Variants in CEP85L observed in about 807,000 individuals in gnomAD.
The protein encoded by CEP85L is centrosomal protein of 85 kDa-like.
CEP85L carries 60 observed loss-of-function variants against 100.3 expected under a neutral mutation model. That is an observed-to-expected ratio of 0.60 (90% CI 0.49 to 0.74). The LOEUF (loss-of-function observed/expected upper bound fraction) is 0.74. Ranked by LOEUF, CEP85L falls within the 30% of genes least tolerant of loss-of-function variation. The probability of loss-of-function intolerance (pLI) is 0.00; values close to 1 mark genes in which losing one functional copy is unlikely to be tolerated. For missense variants in CEP85L, 973 were observed against 936.2 expected (o/e 1.04, Z -0.51); for synonymous variants, 319 against 322.7 (o/e 0.99, Z 0.12).
intron 5 of CEP85L, chr6:118,501,908 T>A: frequency 8.7e-7 from 1 of 1,153,452 alleles, no homozygotes; most frequent in Middle Eastern, 2.9e-4. Context: ...AGATATGCTT[T>A]TAAGTTTAAA....
chr6:118,467,687 A>G (rs1037401320), intron 12 of CEP85L, among the ~76,000 whole-genome samples: 1 of 152,172 alleles, frequency 6.6e-6, no homozygotes, highest in East Asian at 1.9e-4. Flanking sequence ...AGGAGACTCT[A>G]AAGTAATTAA....
intron 1 of CEP85L, 26 bp from the exon 2 acceptor site, chr6:118,632,637 AAC>A: frequency 6.3e-7 from 1 of 1,593,368 alleles, no homozygotes; most frequent in South Asian, 1.1e-5. Context: ...TGTAACAGTT[AAC>A]ACATATATCT....
intron 2 of CEP85L, among the ~76,000 whole-genome samples, chr6:118,618,823 T>G (rs1773245101): frequency 6.6e-6 from 1 of 152,162 alleles, no homozygotes; most frequent in African/African-American, 2.4e-5. Flanking sequence ...AGGGCAGTTT[T>G]ATGGCCAGGC....
chr6:118,534,851 C>A (rs1777496711), intron 3 of CEP85L, among the ~76,000 whole-genome samples: 1 of 151,782 alleles, frequency 6.6e-6, no homozygotes. Context: ...GAAACCCCAC[C>A]TCTACTAAAA....
At chr6:118,558,710 G>A in intron 3 of CEP85L, 1 of 530,020 alleles carries the variant, frequency 1.9e-6, no homozygotes, top group Non-Finnish European at 3.4e-6. Flanking sequence ...ATAGAAACAT[G>A]ATGTTATAAA....
At chr6:118,594,728 C>A (rs888949032) in intron 2 of CEP85L, among the ~76,000 whole-genome samples, 2 of 151,282 alleles carry the variant, frequency 1.3e-5, no homozygotes, top group Admixed American at 1.3e-4. Context: ...TGGTGGCAGG[C>A]GCCTGTAGTC....
chr6:118,644,615 T>C (rs190498885), intron 1 of CEP85L, among the ~76,000 whole-genome samples: 1 of 152,212 alleles, frequency 6.6e-6, no homozygotes, highest in East Asian at 1.9e-4. Flanking sequence ...ACCTTCCCCA[T>C]CTCAGGAAAT....
intron 5 of CEP85L, among the ~76,000 whole-genome samples, chr6:118,493,017 A>G (rs1774675719): frequency 6.6e-6 from 1 of 152,150 alleles, no homozygotes; most frequent in South Asian, 2.1e-4. Flanking sequence ...AGAAGCCTTT[A>G]GATGATTGTA....
chr6:118,694,312 C>T lies in CEP85L; in HGVS notation c.-28+15724G>A, dbSNP rs538811980. Among the ~76,000 whole-genome samples, 5 of 152,222 alleles carry T rather than the reference C, an allele frequency of 3.3e-5. 1 individual carries two copies. Among genetic ancestry groups the T allele is most frequent in the African/African-American group, 1.2e-4 (5 of 41,550 alleles). On this transcript the variant is annotated intron_variant, in intron 1 of 13. Coordinates refer to the CEP85L transcript ENST00000368488. ...CCATCTTGATATAAACTATGGATTA[C>T]ATTGTTCAAATTCATTACCACCACT...
chr6:118,481,900 G>T lies in CEP85L; in HGVS notation c.1624C>A (p.Gln542Lys). 1 of 1,567,390 alleles carries T rather than the reference G, an allele frequency of 6.4e-7. No homozygotes were observed. Among genetic ancestry groups the T allele is most frequent in the East Asian group, 2.3e-5 (1 of 43,280 alleles). ...TTTTCTGTATCTATCAAAGCCTCTTGTAAATTCTTATTTTTTTCTTCCAGA... is the reference window on the plus strand; with the variant it reads ...TTTTCTGTATCTATCAAAGCCTCTTTTAAATTCTTATTTTTTTCTTCCAGA... Reference protein sequence around the residue: ...QILEEKNKNLQEALIDTEKKL... With the variant: ...QILEEKNKNLKEALIDTEKKL... The change falls in exon 8 of 13, where the codon CAA (glutamine) becomes AAA (lysine). Residue 542 changes from glutamine (Q) to lysine (K), a missense_variant. Coordinates refer to ENST00000368491, the MANE Select transcript of CEP85L (RefSeq NM_001042475.3).
chr6:118,487,035 G>A (rs1054228389), intron 6 of CEP85L, among the ~76,000 whole-genome samples: 1 of 151,828 alleles, frequency 6.6e-6, no homozygotes, highest in Non-Finnish European at 1.5e-5. Context: ...AAAAAATAAT[G>A]ATTATACAAA....
chr6:118,500,380 C>T (rs963470589), intron 5 of CEP85L, among the ~76,000 whole-genome samples: 3 of 152,158 alleles, frequency 2.0e-5, no homozygotes, highest in African/African-American at 4.8e-5. Context: ...ACTGCACCTG[C>T]TGCTAAAAGG....
Position 118,600,212 on chromosome 6 carries a change from G to C in CEP85L, c.232+32241C>G, listed in dbSNP as rs1781656497. ...CCTCCGTTCTTGACTTGCCTCCAAA[G>C]AACAGAATATGGAAAGAAGAAAATT... On this transcript the variant is annotated intron_variant, in intron 2 of 12. Transcript: ENST00000368491. 1.3e-5 allele frequency among the ~76,000 whole-genome samples: 2 copies of C among 150,124 alleles called. 1 individual carries two copies. The highest frequency in any genetic ancestry group is 4.2e-4 in the South Asian group (2 of 4,736).
At position 118,566,228 on chromosome 6, in the gene CEP85L, G is replaced by A; in HGVS notation, c.321C>T (p.Ser107=). The A allele has an allele frequency of 6.2e-7, 1 of 1,614,050 alleles. No homozygotes were observed. The highest frequency in any genetic ancestry group is 8.5e-7 in the Non-Finnish European group (1 of 1,179,970). The change falls in exon 3 of 13, where the codon TCC becomes TCT. Residue 107 remains serine, a synonymous_variant. Transcript: ENST00000368491. ...LPTAHVMPSN[S]SASISKLRES... ...CCCTAAGTTTGGAAATTGAAGCGCT[G>A]GAATTAGACGGCATCACATGGGCAG...
intron 1 of CEP85L, among the ~76,000 whole-genome samples, chr6:118,701,042 A>G (rs940060026): frequency 1.3e-5 from 2 of 152,180 alleles, no homozygotes; most frequent in Non-Finnish European, 2.9e-5. Flanking sequence ...ATTCTGTAGG[A>G]GAGACATAAT....
chr6:118,533,775 G>A (rs1777428275), intron 3 of CEP85L, among the ~76,000 whole-genome samples: 1 of 152,168 alleles, frequency 6.6e-6, no homozygotes, highest in Non-Finnish European at 1.5e-5. Flanking sequence ...GGTTTTCCCA[G>A]GAATGCAAGT....
At chr6:118,618,598 C>G (rs2115265114) in intron 2 of CEP85L, among the ~76,000 whole-genome samples, 1 of 152,178 alleles carries the variant, frequency 6.6e-6, no homozygotes, top group African/African-American at 2.4e-5. Context: ...GCTTTTTCAA[C>G]CATTCAATCA....
intron 1 of CEP85L, among the ~76,000 whole-genome samples, chr6:118,638,907 T>C (rs1774689192): frequency 6.6e-6 from 1 of 152,120 alleles, no homozygotes; most frequent in Non-Finnish European, 1.5e-5. Context: ...TTCCACAGCA[T>C]TTGAATATAT....
intron 2 of CEP85L, among the ~76,000 whole-genome samples, chr6:118,607,386 C>A (rs1243744902): frequency 1.3e-5 from 2 of 152,114 alleles, no homozygotes; most frequent in African/African-American, 4.8e-5. Flanking sequence ...AAAGTTCAGG[C>A]GGCTGTTTCT....
Sources: allele counts gnomAD v4.1 joint callset (sites outside exome capture counted in the v4.1 genomes callset), GRCh38; gene constraint gnomAD v4.1.1; transcripts MANE v1.5; gene names NCBI Gene and HGNC (gene_info 2026-07-23, HGNC 2026-07-21).